GTF2I: variants seen among roughly 807,000 people sequenced by gnomAD.
The protein encoded by GTF2I is general transcription factor II-I.
In GTF2I, 12 loss-of-function variants were observed where a neutral mutation model predicts 67.6. That is an observed-to-expected ratio of 0.18 (90% CI 0.11 to 0.29). GTF2I has a LOEUF of 0.29. Among genes scored for constraint, GTF2I ranks in the 10% least tolerant of loss-of-function variants. GTF2I has a pLI of 1.00. For missense variants in GTF2I, 271 were observed against 580.1 expected, an observed-to-expected ratio of 0.47 and a Z score of 5.47; for synonymous variants, 149 against 197.0, an observed-to-expected ratio of 0.76 and a Z score of 2.04.
intron 1 of GTF2I, among the ~76,000 whole-genome samples, chr7:74,667,037 C>T (rs782542000): frequency 1.4e-4 from 22 of 152,034 alleles, no homozygotes; most frequent in African/African-American, 1.2e-4. Context: ...CCCAGACACT[C>T]GGGAGGCTGA....
At position 74,697,992 on chromosome 7, in the gene GTF2I, G is replaced by A. The variant is rs1789144599; in HGVS notation, c.239-969G>A. Among the ~76,000 whole-genome samples the A allele has an allele frequency of 2.6e-5, 4 of 151,606 alleles. No homozygotes were observed. The South Asian group carries it at 8.3e-4, about 32-fold the overall frequency. On this transcript the variant is annotated intron_variant, in intron 3 of 34. Transcript: ENST00000573035. ...TTTGTTTGAGACGGAGTCTCACTCT[G>A]TCGCCCAGGCTGGAGTGCAGTGGCG...
In GTF2I at chr7:74,700,242, C is replaced by T; in HGVS notation, c.374-5C>T. On this transcript the variant is annotated splice_polypyrimidine_tract_variant and splice_region_variant and intron_variant, in intron 4 of 34. Transcript: ENST00000573035. ...TGATGTTCATCCGCTTTTCATCTGC[C>T]CCAGGGAAAGCTTTAGGCAAATCCA... The T allele has an allele frequency of 6.2e-7, 1 of 1,612,594 alleles. No homozygotes were observed. The highest frequency in any genetic ancestry group is 8.5e-7 in the Non-Finnish European group (1 of 1,179,196).
intron 6 of GTF2I, among the ~76,000 whole-genome samples, chr7:74,703,034 G>T (rs587694813): frequency 1.3e-5 from 2 of 152,132 alleles, no homozygotes; most frequent in African/African-American, 4.8e-5. Context: ...ATCTTCAATT[G>T]TGCTTATTGG....
chr7:74,673,513 C>G (rs1805633638), intron 1 of GTF2I, among the ~76,000 whole-genome samples: 1 of 151,866 alleles, frequency 6.6e-6, no homozygotes, highest in Admixed American at 6.6e-5. Context: ...TCCCGAGTAG[C>G]TGGAATTACA....
intron 9 of GTF2I, among the ~76,000 whole-genome samples, chr7:74,712,487 AGTGTGTGTGTGTGTGTGTGTGT>A (rs142200093): frequency 0.025 from 3,304 of 131,846 alleles, 55 homozygotes; most frequent in South Asian, 0.045. Flanking sequence ...TTCTCCCGGG[AGTGTGTGTGTGTGTGTGTGTGT>A]GTGTGTGTGT....
intron 2 of GTF2I, 74 bp from the exon 3 acceptor site, chr7:74,690,899 T>C: frequency 7.1e-7 from 1 of 1,408,468 alleles, no homozygotes; most frequent in Non-Finnish European, 9.8e-7. Context: ...GTTGTTAGTT[T>C]TTTTAATTCA....
At chr7:74,724,304 TG>T (rs1793482950) in intron 12 of GTF2I, among the ~76,000 whole-genome samples, 1 of 152,202 alleles carries the variant, frequency 6.6e-6, no homozygotes, top group African/African-American at 2.4e-5. Flanking sequence ...TGGTGTTGAT[TG>T]TTTTTTTAAC....
At position 74,677,781 on chromosome 7, in the gene GTF2I, C is replaced by CAAAAAAAAAAAAAAA. The variant is rs67938540; in HGVS notation, c.-5-11342_-5-11328dup. ...TGGGCGACAGAGTGAGATTCTGTCTCAAAAAAAAAAAAAAAGTAAATTTGG... is the reference window on the plus strand; with the variant it reads ...TGGGCGACAGAGTGAGATTCTGTCTCAAAAAAAAAAAAAAAAAAAAAAAAAAAAAAGTAAATTTGG... On this transcript the variant is annotated intron_variant, in intron 1 of 34. Transcript: ENST00000573035. Among the ~76,000 whole-genome samples the CAAAAAAAAAAAAAAA allele has an allele frequency of 5.5e-5, 4 of 72,146 alleles. 1 individual carries two copies. Among genetic ancestry groups the CAAAAAAAAAAAAAAA allele is most frequent in the South Asian group, 6.0e-4 (1 of 1,656 alleles). 47.3% of individuals were successfully genotyped at this position (72,146 alleles called of 152,430 possible).
intron 1 of GTF2I, among the ~76,000 whole-genome samples, chr7:74,680,099 A>AAAAAAAAAAAATATATATATAT: frequency 1.1e-5 from 1 of 95,002 alleles, no homozygotes; most frequent in Non-Finnish European, 2.1e-5. Flanking sequence ...AAAAAAAAAA[A>AAAAAAAAAAAATATATATATAT]ATATATATAT....
At chr7:74,707,148 C>T (rs928724914) in intron 8 of GTF2I, among the ~76,000 whole-genome samples, 10 of 152,230 alleles carry the variant, frequency 6.6e-5, no homozygotes, top group African/African-American at 2.4e-4. Context: ...CCGTGCCCGG[C>T]CCCCGTTTAT....
chr7:74,698,877 G>A (rs1257478894), intron 3 of GTF2I, 84 bp from the exon 4 acceptor site: 16 of 591,382 alleles, frequency 2.7e-5, no homozygotes, highest in African/African-American at 9.6e-5. Context: ...ACAGGAAAAC[G>A]ATTTTTACTA....
chr7:74,687,502 C>T (rs1787842086), intron 1 of GTF2I: 3 of 959,672 alleles, frequency 3.1e-6, no homozygotes, highest in Non-Finnish European at 2.5e-6. Context: ...GGATTACAGG[C>T]GTGAGCCACC....
intron 8 of GTF2I, among the ~76,000 whole-genome samples, chr7:74,708,203 T>G (rs1791022195): frequency 6.6e-6 from 1 of 152,068 alleles, no homozygotes; most frequent in Admixed American, 6.6e-5. Context: ...CTCAAGAGGC[T>G]GAGGGAGGAG....
intron 12 of GTF2I, chr7:74,727,370 A>T (rs1284469506): frequency 6.6e-6 from 1 of 152,220 alleles, no homozygotes; most frequent in Non-Finnish European, 1.5e-5. Context: ...CCCGGGCAAC[A>T]TCGTATATTA....
At chr7:74,689,348 CTTTTTTTTTTTTTTT>C in intron 2 of GTF2I, 121 bp downstream of exon 2, 1 of 144,744 alleles carries the variant, frequency 6.9e-6, no homozygotes, top group Non-Finnish European at 1.2e-5. Context: ...TTTTTCTTTA[CTTTTTTTTTTTTTTT>C]TTTTTTTTTG....
intron 9 of GTF2I, among the ~76,000 whole-genome samples, chr7:74,711,617 C>T (rs587736286): frequency 2.0e-4 from 30 of 152,148 alleles, no homozygotes; most frequent in Middle Eastern, 3.4e-3. Flanking sequence ...TCAGGCAACA[C>T]GGATCTGTTT....
rs1409248287 is a variant in GTF2I at position 74,667,289 on chromosome 7, AC to A, written c.-6+9223del. ...ACCCGGGAGGTGGAGGTTACAGTGT[AC>A]CGAGATCTTGCCACTGCTCTCCAGC... On this transcript the variant is annotated intron_variant, in intron 1 of 34. Coordinates refer to ENST00000573035, the MANE Select transcript of GTF2I (RefSeq NM_032999.4). Among the ~76,000 whole-genome samples, 4 of 152,076 alleles carry A rather than the reference AC, an allele frequency of 2.6e-5. No individual in the cohort carries two copies. In the East Asian group the frequency reaches 7.7e-4, roughly 29 times the overall value.
rs367952316 is a variant in GTF2I, at chr7:74,695,736, T to C, written c.239-3225T>C. On this transcript the variant is annotated intron_variant, in intron 3 of 34. Coordinates refer to ENST00000573035, the MANE Select transcript of GTF2I (RefSeq NM_032999.4). ...TTTTAAAATGTTGACATTATTATAA[T>C]GTTGAGAAATGTTCAAGCATTGATT... 8.5e-5 allele frequency among the ~76,000 whole-genome samples: 13 copies of C among 152,316 alleles called. No homozygotes were observed. The East Asian group carries it at 2.3e-3, about 27-fold the overall frequency.
intron 3 of GTF2I, among the ~76,000 whole-genome samples, chr7:74,698,245 G>A (rs1369905360): frequency 6.6e-6 from 1 of 151,896 alleles, no homozygotes; most frequent in Non-Finnish European, 1.5e-5. Flanking sequence ...GTGAGCCACC[G>A]CGCCCGGCCT....
Sources: allele counts gnomAD v4.1 joint callset (sites outside exome capture counted in the v4.1 genomes callset), GRCh38; gene constraint gnomAD v4.1.1; transcripts MANE v1.5; gene names NCBI Gene and HGNC (gene_info 2026-07-23, HGNC 2026-07-21).